DLGAP2: variants seen among roughly 807,000 people sequenced by gnomAD.
DLGAP2 encodes the protein DLG associated protein 2, also known as disks large-associated protein 2.
In DLGAP2, 26 loss-of-function variants were observed where a neutral mutation model predicts 100.3. That is an observed-to-expected ratio of 0.26 (90% CI 0.19 to 0.36). The LOEUF (loss-of-function observed/expected upper bound fraction) is 0.36. Among genes scored for constraint, DLGAP2 ranks in the 10% least tolerant of loss-of-function variants. The probability of loss-of-function intolerance (pLI) is 1.00; values close to 1 mark genes in which losing one functional copy is unlikely to be tolerated. For missense variants in DLGAP2, 1,858 were observed against 1,453.2 expected (o/e 1.28, Z -4.53); for synonymous variants, 886 against 630.1 (o/e 1.41, Z -6.08).
At chr8:1,532,068 G>T (rs1801005510) in intron 4 of DLGAP2, among the ~76,000 whole-genome samples, 1 of 152,194 alleles carries the variant, frequency 6.6e-6, no homozygotes, top group Admixed American at 6.5e-5. Context: ...GCATTCTTTT[G>T]AGTTTCTGAT....
intron 4 of DLGAP2, among the ~76,000 whole-genome samples, chr8:1,525,293 C>G (rs2130434440): frequency 6.7e-6 from 1 of 149,828 alleles, no homozygotes; most frequent in South Asian, 2.1e-4. Context: ...AGGCTTCTGA[C>G]AAGTTACTAC....
At chr8:786,133 G>A (rs1219611411) in intron 1 of DLGAP2, among the ~76,000 whole-genome samples, 2 of 152,182 alleles carry the variant, frequency 1.3e-5, no homozygotes, top group East Asian at 3.9e-4. Context: ...TAGCTCAGCT[G>A]GGCCGGCGCA....
intron 1 of DLGAP2, among the ~76,000 whole-genome samples, chr8:857,059 A>G (rs1797292890): frequency 6.6e-6 from 1 of 152,232 alleles, no homozygotes. Flanking sequence ...GTCCAGAGAC[A>G]GACCCACGTA....
intron 2 of DLGAP2, among the ~76,000 whole-genome samples, chr8:1,256,683 G>C (rs1346190209): frequency 6.6e-6 from 1 of 152,166 alleles, no homozygotes; most frequent in Non-Finnish European, 1.5e-5. Context: ...CTTGGAAACT[G>C]AGGGGAAACT....
intron 2 of DLGAP2, among the ~76,000 whole-genome samples, chr8:1,089,144 A>T (rs1347509429): frequency 6.8e-6 from 1 of 147,158 alleles, no homozygotes; most frequent in African/African-American, 2.5e-5. Flanking sequence ...CCAGCAGGCT[A>T]TGCAATTCTC....
At chr8:1,135,980 A>C (rs1308570574) in intron 2 of DLGAP2, among the ~76,000 whole-genome samples, 1 of 152,232 alleles carries the variant, frequency 6.6e-6, no homozygotes, top group South Asian at 2.1e-4. Flanking sequence ...CACAGAATCA[A>C]TGAGCCAGAT....
intron 3 of DLGAP2, among the ~76,000 whole-genome samples, chr8:1,449,060 C>T (rs1798063936): frequency 6.6e-6 from 1 of 152,160 alleles, no homozygotes; most frequent in Non-Finnish European, 1.5e-5. Flanking sequence ...CACATCCCGG[C>T]CCCCCAGAGC....
chr8:1,195,300 C>T (rs1467487473), intron 2 of DLGAP2, among the ~76,000 whole-genome samples: 1 of 152,166 alleles, frequency 6.6e-6, no homozygotes, highest in African/African-American at 2.4e-5. Context: ...TCCCTGCACC[C>T]TCAGGAGCAG....
chr8:1,227,986 T>C (rs1034450268), intron 2 of DLGAP2, among the ~76,000 whole-genome samples: 7 of 152,186 alleles, frequency 4.6e-5, no homozygotes, highest in African/African-American at 1.7e-4. Context: ...CGTTTTACTA[T>C]TTATATGCAT....
intron 2 of DLGAP2, among the ~76,000 whole-genome samples, chr8:1,116,815 A>G (rs1157391634): frequency 6.6e-6 from 1 of 152,152 alleles, no homozygotes; most frequent in African/African-American, 2.4e-5. Context: ...AAAAGAGAAA[A>G]AAAAAGAGAA....
intron 2 of DLGAP2, among the ~76,000 whole-genome samples, chr8:1,046,604 C>G (rs1417873198): frequency 6.6e-6 from 1 of 152,214 alleles, no homozygotes; most frequent in Non-Finnish European, 1.5e-5. Context: ...ATCCCCATAA[C>G]CCAGATGCTG....
In DLGAP2 at chr8:898,670, G is replaced by C. The variant is rs76378747; in HGVS notation, c.19-9242G>C. 9.5e-4 allele frequency among the ~76,000 whole-genome samples: 144 copies of C among 152,302 alleles called. No homozygotes were observed. In the South Asian group the frequency reaches 0.011, roughly 12 times the overall value. On this transcript the variant is annotated intron_variant, in intron 1 of 14. Transcript: ENST00000637795. The stretch of plus-strand genomic sequence containing the variant: ...GCTGGGTCCTCACTCAGATGCCTCT[G>C]TGGGGACCTCTGGTCCTGCATTCCC...
In DLGAP2 at chr8:1,705,016, G is replaced by C. The variant is rs183724075; in HGVS notation, c.*3610G>C. On this transcript the variant is annotated 3_prime_UTR_variant, in exon 15 of 15. Coordinates refer to ENST00000637795, the MANE Select transcript of DLGAP2 (RefSeq NM_001346810.2). ...GAAGGCCCTGCATCCGTAAATTCGCGCATCTCTGTTTTTGTTAGATCCTTG... is the reference window on the plus strand; with the variant it reads ...GAAGGCCCTGCATCCGTAAATTCGCCCATCTCTGTTTTTGTTAGATCCTTG... 2.0e-5 allele frequency: 3 copies of C among 152,294 alleles called. No homozygotes were observed. The highest frequency in any genetic ancestry group is 6.5e-5 in the Admixed American group (1 of 15,300). 9.4% of individuals were successfully genotyped at this position (152,294 alleles called of 1,614,324 possible). A position where few individuals can be genotyped will look rare whatever the true frequency, so the allele number is the denominator to read the frequency against.
At chr8:1,394,552 G>C (rs1338906334) in intron 3 of DLGAP2, among the ~76,000 whole-genome samples, 1 of 384 alleles carries the variant, frequency 2.6e-3, no homozygotes. Context: ...CTCCGGAGTC[G>C]TGTATTGAGT....
In DLGAP2 at chr8:1,617,111, C is replaced by T. The variant is rs187593642; in HGVS notation, c.1443-9629C>T. 2.0e-3 allele frequency among the ~76,000 whole-genome samples: 302 copies of T among 151,728 alleles called. 2 individuals carry two copies. Among genetic ancestry groups the T allele is most frequent in the Non-Finnish European group, 3.3e-3 (225 of 67,764 alleles). ...AGTATTCCACGGTGTACATGCACCA[C>T]ATTTTCTTTATCTGTCTACCATTGA... On this transcript the variant is annotated intron_variant, in intron 6 of 14. Coordinates refer to ENST00000637795, the MANE Select transcript of DLGAP2 (RefSeq NM_001346810.2).
At chr8:1,675,642 G>C (rs1798794388) in intron 10 of DLGAP2, among the ~76,000 whole-genome samples, 1 of 152,134 alleles carries the variant, frequency 6.6e-6, no homozygotes, top group Non-Finnish European at 1.5e-5. Flanking sequence ...TCCTTGTAGT[G>C]ATCAGTAATA....
In DLGAP2 at chr8:1,418,559, C is replaced by G. The variant is rs62484238; in HGVS notation, c.107-82807C>G. 3.8e-3 allele frequency among the ~76,000 whole-genome samples: 586 copies of G among 152,328 alleles called. 2 individuals are homozygous for G. The highest frequency in any genetic ancestry group is 5.8e-3 in the Non-Finnish European group (394 of 68,032). On this transcript the variant is annotated intron_variant, in intron 3 of 14. Coordinates refer to ENST00000637795, the MANE Select transcript of DLGAP2 (RefSeq NM_001346810.2). ...GAAGCTTCACCTGGCTGCCAGTGCTCTCTCTGCATTCACACGACACTCCAC... is the reference window on the plus strand; with the variant it reads ...GAAGCTTCACCTGGCTGCCAGTGCTGTCTCTGCATTCACACGACACTCCAC...
At chr8:1,513,353 C>T (rs561847483) in intron 4 of DLGAP2, among the ~76,000 whole-genome samples, 2 of 151,534 alleles carry the variant, frequency 1.3e-5, no homozygotes, top group Non-Finnish European at 2.9e-5. Flanking sequence ...CAGGGAGGCT[C>T]GGTGGGATAC....
chr8:1,698,457 A>C (rs761102599), intron 14 of DLGAP2, among the ~76,000 whole-genome samples: 2 of 140,264 alleles, frequency 1.4e-5, no homozygotes, highest in African/African-American at 2.7e-5. Flanking sequence ...TAAGCCATGC[A>C]TGGGACAGGT....
Sources: gnomAD v4.1 joint callset for allele counts (sites outside exome capture counted in the v4.1 genomes callset) on GRCh38, gnomAD v4.1.1 for gene constraint, MANE v1.5 for transcripts, NCBI Gene and HGNC (gene_info 2026-07-23, HGNC 2026-07-21) for gene names.